Variants in NLGN1 observed in about 807,000 individuals in gnomAD.
NLGN1 encodes the protein neuroligin-1.
NLGN1 carries 12 observed loss-of-function variants against 65.5 expected under a neutral mutation model. The observed-to-expected ratio is 0.18, with a 90% confidence interval of 0.12 to 0.30. NLGN1 has a LOEUF of 0.30. Among genes scored for constraint, NLGN1 ranks in the 10% least tolerant of loss-of-function variants. The probability of loss-of-function intolerance (pLI) is 1.00; values close to 1 mark genes in which losing one functional copy is unlikely to be tolerated. For missense variants in NLGN1, 750 were observed against 1,007.1 expected, an observed-to-expected ratio of 0.74 and a Z score of 3.46; for synonymous variants, 350 against 359.5, an observed-to-expected ratio of 0.97 and a Z score of 0.30.
At chr3:173,704,497 T>G (rs1767746486) in intron 3 of NLGN1, among the ~76,000 whole-genome samples, 1 of 152,210 alleles carries the variant, frequency 6.6e-6, no homozygotes. Flanking sequence ...GTTTCATTTC[T>G]GAAAGAGTTC....
chr3:174,174,678 T>C (rs1034411576), intron 4 of NLGN1, among the ~76,000 whole-genome samples: 2 of 152,046 alleles, frequency 1.3e-5, no homozygotes, highest in Non-Finnish European at 2.9e-5. Flanking sequence ...GGATTGTTTT[T>C]TTCTTGCTAA....
chr3:173,546,430 T>C (rs1739850506), intron 2 of NLGN1, among the ~76,000 whole-genome samples: 1 of 152,200 alleles, frequency 6.6e-6, no homozygotes, highest in South Asian at 2.1e-4. Flanking sequence ...CCTAAAATAC[T>C]GTCTGGAATG....
At chr3:174,070,317 C>T (rs1739540800) in intron 4 of NLGN1, among the ~76,000 whole-genome samples, 3 of 151,012 alleles carry the variant, frequency 2.0e-5, no homozygotes, top group South Asian at 4.2e-4. Flanking sequence ...ACATATACCT[C>T]ACTATCTCTG....
At chr3:173,462,843 A>C (rs11709498) in intron 2 of NLGN1, among the ~76,000 whole-genome samples, 81,958 of 152,128 alleles carry the variant, frequency 0.54, 25,196 homozygotes, top group East Asian at 0.9. Flanking sequence ...ACAGTACCAA[A>C]CAAATTCAAG....
chr3:174,177,087 A>T (rs1729594286), intron 4 of NLGN1, among the ~76,000 whole-genome samples: 1 of 152,080 alleles, frequency 6.6e-6, no homozygotes, highest in Admixed American at 6.6e-5. Flanking sequence ...AAAATATACA[A>T]ATATTATTTA....
At chr3:173,496,165 A>G (rs1729992337) in intron 2 of NLGN1, among the ~76,000 whole-genome samples, 1 of 151,634 alleles carries the variant, frequency 6.6e-6, no homozygotes, top group Admixed American at 6.6e-5. Flanking sequence ...CCCAACTTTG[A>G]GACTAGAGAC....
At chr3:174,286,157 A>G (rs1307826584) in exon 7 of NLGN1, 2 of 151,452 alleles carry the variant, frequency 1.3e-5, no homozygotes, top group Non-Finnish European at 3.0e-5. Context: ...ACCACATAAT[A>G]TATATACCCT....
chr3:173,467,718 A>G (rs996433065), intron 2 of NLGN1, among the ~76,000 whole-genome samples: 6 of 152,180 alleles, frequency 3.9e-5, no homozygotes, highest in Non-Finnish European at 5.9e-5. Flanking sequence ...GTCACTATTT[A>G]GTAAATAACT....
intron 3 of NLGN1, among the ~76,000 whole-genome samples, chr3:173,658,624 G>A (rs370478932): frequency 3.3e-5 from 5 of 152,088 alleles, no homozygotes; most frequent in East Asian, 3.9e-4. Context: ...ATTCAGTGAA[G>A]GCATCACAGC....
intron 3 of NLGN1, among the ~76,000 whole-genome samples, chr3:173,696,705 C>T (rs765199966): frequency 7.2e-5 from 11 of 152,150 alleles, no homozygotes; most frequent in African/African-American, 1.2e-4. Context: ...TGGTCATTGA[C>T]AATTGAAAGA....
At chr3:173,812,725 T>TAC in intron 4 of NLGN1, among the ~76,000 whole-genome samples, 2 of 145,828 alleles carry the variant, frequency 1.4e-5, no homozygotes, top group Non-Finnish European at 1.5e-5. Context: ...TGTGTGTATA[T>TAC]ACACGCACAC....
At chr3:174,099,066 G>A (rs1297982307) in intron 4 of NLGN1, among the ~76,000 whole-genome samples, 2 of 152,080 alleles carry the variant, frequency 1.3e-5, no homozygotes, top group African/African-American at 4.8e-5. Flanking sequence ...TATTAAAACT[G>A]GACATTTCTA....
chr3:173,582,193 G>A (rs2149365873), intron 2 of NLGN1, among the ~76,000 whole-genome samples: 1 of 151,758 alleles, frequency 6.6e-6, no homozygotes, highest in East Asian at 1.9e-4. Flanking sequence ...AAGGAGCTGA[G>A]GTAACATTCA....
At chr3:174,009,115 T>G (rs1209742838) in intron 4 of NLGN1, among the ~76,000 whole-genome samples, 1 of 152,158 alleles carries the variant, frequency 6.6e-6, no homozygotes, top group African/African-American at 2.4e-5. Flanking sequence ...GCTTCCTGGT[T>G]CATAGATGGA....
chr3:174,015,674 C>T (rs1407315334), intron 4 of NLGN1, among the ~76,000 whole-genome samples: 1 of 152,118 alleles, frequency 6.6e-6, no homozygotes, highest in Non-Finnish European at 1.5e-5. Context: ...TACACTTAGC[C>T]AAATTCCCCC....
At chr3:174,239,408 G>T (rs1464584449) in intron 4 of NLGN1, among the ~76,000 whole-genome samples, 1 of 152,054 alleles carries the variant, frequency 6.6e-6, no homozygotes, top group Non-Finnish European at 1.5e-5. Context: ...TATGCATCTA[G>T]CACGCTTGTA....
At chr3:173,763,933 A>G (rs1778377319) in intron 3 of NLGN1, among the ~76,000 whole-genome samples, 1 of 152,184 alleles carries the variant, frequency 6.6e-6, no homozygotes, top group Non-Finnish European at 1.5e-5. Flanking sequence ...ATAAAAGATC[A>G]TTTTATATTC....
chr3:174,047,206 T>C (rs1424765442), intron 4 of NLGN1, among the ~76,000 whole-genome samples: 6 of 152,016 alleles, frequency 3.9e-5, no homozygotes, highest in Non-Finnish European at 8.8e-5. Context: ...TTCACCATAA[T>C]TTTATATACT....
chr3:173,623,237 T>C (rs1407600592), intron 3 of NLGN1, among the ~76,000 whole-genome samples: 1 of 152,056 alleles, frequency 6.6e-6, no homozygotes, highest in Non-Finnish European at 1.5e-5. Flanking sequence ...ACAATACTAG[T>C]TGGATGCTTA....
Sources: gnomAD v4.1 joint callset for allele counts (sites outside exome capture counted in the v4.1 genomes callset) on GRCh38, gnomAD v4.1.1 for gene constraint, MANE v1.5 for transcripts, NCBI Gene and HGNC (gene_info 2026-07-23, HGNC 2026-07-21) for gene names.